Variants in DNAJC18 observed in about 807,000 individuals in gnomAD.
The protein encoded by DNAJC18 is dnaJ homolog subfamily C member 18.
In DNAJC18, 40 loss-of-function variants were observed where a neutral mutation model predicts 48.6. That is an observed-to-expected ratio of 0.82 (90% CI 0.64 to 1.07). DNAJC18 has a LOEUF of 1.07. Ranked by LOEUF, DNAJC18 falls within the 50% of genes least tolerant of loss-of-function variation. DNAJC18 has a pLI of 0.00. For synonymous variants in DNAJC18, 135 were observed against 152.2 expected (o/e 0.89, Z 0.83); for missense variants, 340 against 427.7 (o/e 0.79, Z 1.81).
intron 6 of DNAJC18, among the ~76,000 whole-genome samples, chr5:139,421,954 T>C (rs1191344788): frequency 6.6e-6 from 1 of 152,100 alleles, no homozygotes; most frequent in Non-Finnish European, 1.5e-5. Flanking sequence ...CCCACTAAAT[T>C]ATAATAATGA....
rs201505856 is a variant in DNAJC18, at chr5:139,425,013, T to G, written c.661A>C (p.Lys221Gln). 60 of 1,612,896 alleles carry G rather than the reference T, an allele frequency of 3.7e-5. No individual in the cohort carries two copies. The highest frequency in any genetic ancestry group is 4.9e-5 in the Non-Finnish European group (58 of 1,179,152). Residue 221 changes from lysine to glutamine, a missense_variant, in exon 5 of 8, where the codon AAA becomes CAA. Coordinates refer to ENST00000302060, the MANE Select transcript of DNAJC18 (RefSeq NM_152686.4). ...CCTCCCTCCCTAGGTACCTGAGGTT[T>G]CTCTTCTTCCTCCTCCTTCTGAGTC... Reference protein sequence around the residue: ...TQTQKEEEEEKPQTTYSAFIQ... With the variant: ...TQTQKEEEEEQPQTTYSAFIQ...
chr5:139,429,662 C>T (rs917895093), intron 2 of DNAJC18, among the ~76,000 whole-genome samples: 2 of 152,130 alleles, frequency 1.3e-5, no homozygotes, highest in Non-Finnish European at 2.9e-5. Context: ...TGGTGGCTCA[C>T]TCTTGTAATA....
intron 2 of DNAJC18, among the ~76,000 whole-genome samples, chr5:139,436,491 G>A (rs10900863): frequency 0.56 from 80,613 of 145,082 alleles, 24,714 homozygotes; most frequent in Non-Finnish European, 0.7. Flanking sequence ...CATAGTATTT[G>A]GATTGGTAGG....
intron 3 of DNAJC18, among the ~76,000 whole-genome samples, chr5:139,426,919 T>C (rs1432216624): frequency 1.3e-5 from 2 of 152,206 alleles, no homozygotes; most frequent in Non-Finnish European, 2.9e-5. Flanking sequence ...AGGGTCTTGC[T>C]GCATTGCCCA....
intron 2 of DNAJC18, among the ~76,000 whole-genome samples, chr5:139,432,990 A>G (rs562130771): frequency 8.5e-5 from 13 of 152,250 alleles, no homozygotes; most frequent in Non-Finnish European, 1.8e-4. Context: ...TAAAAAGTTG[A>G]TGAGGTAGGG....
At chr5:139,427,875 T>C (rs1387770916) in intron 3 of DNAJC18, among the ~76,000 whole-genome samples, 1 of 152,178 alleles carries the variant, frequency 6.6e-6, no homozygotes, top group African/African-American at 2.4e-5. Flanking sequence ...TAGATTCAGG[T>C]CAAACATTTT....
intron 5 of DNAJC18, among the ~76,000 whole-genome samples, chr5:139,424,697 G>A (rs1013339743): frequency 6.7e-5 from 8 of 119,542 alleles, no homozygotes. Flanking sequence ...TCCGGCCTGA[G>A]TGACAGTGAG....
At chr5:139,419,053 G>A (rs1427212159) in intron 7 of DNAJC18, 35 of 419,926 alleles carry the variant, frequency 8.3e-5, no homozygotes, top group South Asian at 5.2e-4. Flanking sequence ...CACTGTGACT[G>A]AAGAGCTAAT....
rs1174747208 is a variant in DNAJC18, at chr5:139,413,457, A to G, written c.*691T>C. ...TGGAGGAGATGAGGCTCGGTCTTGC[A>G]TTATACCTTCGCCCTGGCCCCCGCC... is the stretch of plus-strand genomic sequence containing the variant. On this transcript the variant is annotated 3_prime_UTR_variant, in exon 8 of 8. Coordinates refer to ENST00000302060, the MANE Select transcript of DNAJC18 (RefSeq NM_152686.4). 1 of 152,358 alleles carries G rather than the reference A, an allele frequency of 6.6e-6. No homozygotes were observed. Among genetic ancestry groups the G allele is most frequent in the Non-Finnish European group, 1.5e-5 (1 of 68,160 alleles). 9.4% of individuals were successfully genotyped at this position (152,358 alleles called of 1,614,324 possible).
In DNAJC18 at chr5:139,433,012, G is replaced by C. The variant is rs900136308; in HGVS notation, c.228-4329C>G. Among the ~76,000 whole-genome samples, 4 of 152,280 alleles carry C rather than the reference G, an allele frequency of 2.6e-5. No individual in the cohort carries two copies. In the East Asian group the frequency reaches 5.8e-4, roughly 22 times the overall value. On this transcript the variant is annotated intron_variant, in intron 2 of 7. Transcript: ENST00000302060. ...TTGATGAGGTAGGGCTGGCCGCAGG[G>C]TTCACACCTGTAATCCCAGCACTTT...
chr5:139,427,032 A>G (rs1015426862), intron 3 of DNAJC18, among the ~76,000 whole-genome samples: 1 of 152,164 alleles, frequency 6.6e-6, no homozygotes, highest in African/African-American at 2.4e-5. Context: ...AAGTGTTCTT[A>G]TTTCACTTGA....
intron 7 of DNAJC18, 118 bp downstream of exon 7, chr5:139,419,935 C>T: frequency 9.5e-7 from 1 of 1,052,142 alleles, no homozygotes; most frequent in Non-Finnish European, 1.3e-6. Context: ...TGTCCTCTGA[C>T]TCTGTTCACA....
intron 7 of DNAJC18, among the ~76,000 whole-genome samples, chr5:139,414,796 C>T (rs777408133): frequency 5.3e-5 from 8 of 152,374 alleles, no homozygotes; most frequent in East Asian, 3.9e-4. Context: ...CCTCACCACA[C>T]GTAGGGTCCC....
chr5:139,415,363 T>G (rs967632410), intron 7 of DNAJC18, among the ~76,000 whole-genome samples: 1 of 152,242 alleles, frequency 6.6e-6, no homozygotes, highest in Admixed American at 6.5e-5. Context: ...CTGGCATTTC[T>G]GTGCACAATG....
intron 2 of DNAJC18, among the ~76,000 whole-genome samples, chr5:139,429,745 T>C (rs1319876036): frequency 6.6e-6 from 1 of 152,032 alleles, no homozygotes; most frequent in East Asian, 1.9e-4. Flanking sequence ...GGCAGGATGG[T>C]AAGACCCTAT....
chr5:139,437,278 A>AG, intron 2 of DNAJC18, 94 bp downstream of exon 2: 2 of 1,412,504 alleles, frequency 1.4e-6, no homozygotes, highest in Non-Finnish European at 1.9e-6. Context: ...CATCATCATC[A>AG]TCATTATCAT....
Position 139,412,960 on chromosome 5 carries a change from T to C in DNAJC18, c.*1188A>G, listed in dbSNP as rs1427251356. 1 of 398,406 alleles carries C rather than the reference T, an allele frequency of 2.5e-6. No individual in the cohort carries two copies. Among genetic ancestry groups the C allele is most frequent in the Non-Finnish European group, 4.4e-6 (1 of 226,078 alleles). The allele number at this position is 398,406 out of a possible 1,614,324, so 24.7% of individuals were successfully genotyped here. On this transcript the variant is annotated 3_prime_UTR_variant, in exon 8 of 8. Coordinates refer to ENST00000302060, the MANE Select transcript of DNAJC18 (RefSeq NM_152686.4). The stretch of plus-strand genomic sequence containing the variant: ...GAGACATGAGGATGCTCTCCCACTT[T>C]CTACTTGACACTCAGCCTACCGTCT...
rs770133682 is a variant in DNAJC18, at chr5:139,426,251, A to G, written c.480T>C (p.Tyr160=). 4.3e-6 allele frequency: 7 copies of G among 1,614,146 alleles called. No homozygotes were observed. The South Asian group carries it at 5.5e-5, about 13-fold the overall frequency. The change falls in exon 4 of 8, where the codon TAT becomes TAC. Residue 160 remains tyrosine (Y), a synonymous_variant. Transcript: ENST00000302060. ...VTFTAPRARP[Y]NYYRDFEADI... is the part of the protein sequence containing the mutation. ...CAGCTTCAAAATCCCTGTAATAATT[A>G]TAAGGTCTGGCTCGAGGGGCAGTGA...
chr5:139,433,300 T>C (rs567347805), intron 2 of DNAJC18, among the ~76,000 whole-genome samples: 1 of 152,186 alleles, frequency 6.6e-6, no homozygotes, highest in Admixed American at 6.5e-5. Flanking sequence ...AAAAATTAGC[T>C]GGGCATGATG....
Sources: allele counts gnomAD v4.1 joint callset (sites outside exome capture counted in the v4.1 genomes callset), GRCh38; gene constraint gnomAD v4.1.1; transcripts MANE v1.5; gene names NCBI Gene and HGNC (gene_info 2026-07-23, HGNC 2026-07-21).